The following DCAF7 variants were observed in gnomAD, a reference collection of about 807,000 sequenced individuals.
DCAF7 encodes DDB1 and CUL4 associated factor 7.
A neutral mutation model predicts 41.2 loss-of-function variants in DCAF7; 4 were observed. The observed-to-expected ratio is 0.10, with a 90% CI of 0.05 to 0.22. The LOEUF is 0.22. DCAF7 is among the 10% of genes least tolerant of loss of function. The pLI is 1.00. For missense variants in DCAF7, 131 were observed against 443.2 expected, an observed-to-expected ratio of 0.30 and a Z score of 6.32; for synonymous variants, 143 against 164.2, an observed-to-expected ratio of 0.87 and a Z score of 0.99.
chr17:63,578,292 AGGT>A (rs1279953264), intron 1 of DCAF7, among the ~76,000 whole-genome samples, 175 bp from the exon 2 acceptor site: 1 of 152,130 alleles, frequency 6.6e-6, no homozygotes, highest in Non-Finnish European at 1.5e-5. Context: ...TGAGACCAGG[AGGT>A]GGAGGCTGCA....
At chr17:63,579,551 G>A (rs2033597150) in intron 3 of DCAF7, 103 bp downstream of exon 3, 2 of 853,898 alleles carry the variant, frequency 2.3e-6, no homozygotes, top group Non-Finnish European at 1.9e-6. Flanking sequence ...TCAGTGGGAA[G>A]TAGGCTAGGC....
At chr17:63,577,475 G>A (rs2033574846) in intron 1 of DCAF7, among the ~76,000 whole-genome samples, 1 of 152,226 alleles carries the variant, frequency 6.6e-6, no homozygotes, top group African/African-American at 2.4e-5. Flanking sequence ...CATTGAGCCA[G>A]ATTGAGTTTG....
chr17:63,573,687 G>A (rs940449938), intron 1 of DCAF7, among the ~76,000 whole-genome samples: 29 of 150,554 alleles, frequency 1.9e-4, no homozygotes, highest in Non-Finnish European at 3.1e-4. Flanking sequence ...CCAAGATTGC[G>A]CCATTGCACT....
intron 1 of DCAF7, among the ~76,000 whole-genome samples, chr17:63,558,160 C>G (rs930673546): frequency 2.6e-5 from 4 of 152,306 alleles, no homozygotes; most frequent in African/African-American, 9.6e-5. Context: ...TCCCAAAGTG[C>G]TGGGACTACA....
chr17:63,582,501 C>T (rs1007290901), intron 4 of DCAF7, among the ~76,000 whole-genome samples: 13 of 150,462 alleles, frequency 8.6e-5, no homozygotes, highest in African/African-American at 2.5e-4. Flanking sequence ...GACAGAGTTT[C>T]GCTCTGTCCC....
chr17:63,572,360 G>A (rs2033516804), intron 1 of DCAF7, among the ~76,000 whole-genome samples: 1 of 152,154 alleles, frequency 6.6e-6, no homozygotes, highest in Non-Finnish European at 1.5e-5. Flanking sequence ...GGCAGGATTT[G>A]GGTCAGTGGA....
At chr17:63,588,003 A>C (rs1007452708) in intron 6 of DCAF7, among the ~76,000 whole-genome samples, 1 of 149,304 alleles carries the variant, frequency 6.7e-6, no homozygotes, top group Non-Finnish European at 1.5e-5. Context: ...AAAAAAAAAA[A>C]AGTAATATGA....
chr17:63,551,945 T>TAATA (rs1157535268), intron 1 of DCAF7, among the ~76,000 whole-genome samples: 1 of 134,052 alleles, frequency 7.5e-6, no homozygotes, highest in Non-Finnish European at 1.6e-5. Flanking sequence ...GGGCGTAGCT[T>TAATA]AGTGCGCCTG....
At chr17:63,564,605 A>G (rs2033420952) in intron 1 of DCAF7, among the ~76,000 whole-genome samples, 1 of 152,118 alleles carries the variant, frequency 6.6e-6, no homozygotes, top group Admixed American at 6.5e-5. Flanking sequence ...GACCTCTCCT[A>G]CCCAGTTGTA....
chr17:63,586,046 A>G (rs2033673204), intron 6 of DCAF7, among the ~76,000 whole-genome samples: 1 of 148,764 alleles, frequency 6.7e-6, no homozygotes, highest in African/African-American at 2.5e-5. Context: ...AAGCACTTCA[A>G]CCCAGGAGGT....
intron 2 of DCAF7, 46 bp from the exon 3 acceptor site, chr17:63,579,291 T>C (rs1353445424): frequency 7.5e-7 from 1 of 1,325,076 alleles, no homozygotes; most frequent in Non-Finnish European, 1.0e-6. Flanking sequence ...AGACTTTTTA[T>C]GAGGATAAGA....
At position 63,583,651 on chromosome 17, in the gene DCAF7, C is replaced by G; in HGVS notation, c.678C>G (p.Arg226=). The change falls in exon 5 of 7, where the codon CGC becomes CGG. Residue 226 remains arginine (R), a synonymous_variant. Transcript: ENST00000614556. The stretch of plus-strand genomic sequence containing the variant: ...ACCCACAGCATCACCCACTGCTTCG[C>G]CTCTGCTGGAACAAGCAGGACCCTA... The part of the protein sequence containing the change: ...YEDPQHHPLL[R]LCWNKQDPNY... The G allele has an allele frequency of 6.2e-7, 1 of 1,613,214 alleles. No individual in the cohort carries two copies. Among genetic ancestry groups the G allele is most frequent in the Non-Finnish European group, 8.5e-7 (1 of 1,179,340 alleles).
At chr17:63,572,092 AG>A (rs2033513570) in intron 1 of DCAF7, among the ~76,000 whole-genome samples, 1 of 152,196 alleles carries the variant, frequency 6.6e-6, no homozygotes, top group Non-Finnish European at 1.5e-5. Context: ...ACTGAAAGAA[AG>A]AGCACTGGAC....
intron 1 of DCAF7, among the ~76,000 whole-genome samples, chr17:63,554,812 T>C (rs1005155320): frequency 2.0e-5 from 3 of 152,192 alleles, no homozygotes; most frequent in African/African-American, 4.8e-5. Context: ...CAAAGAGAAT[T>C]ATATGGCTGT....
At chr17:63,583,124 C>T (rs775103245) in intron 4 of DCAF7, among the ~76,000 whole-genome samples, 4 of 152,088 alleles carry the variant, frequency 2.6e-5, no homozygotes, top group Non-Finnish European at 5.9e-5. Context: ...TTAATGAGCT[C>T]GTAGACCTGC....
chr17:63,559,655 A>G (rs1470303592), intron 1 of DCAF7, among the ~76,000 whole-genome samples: 1 of 151,316 alleles, frequency 6.6e-6, no homozygotes, highest in Non-Finnish European at 1.5e-5. Context: ...TGCAAAAAGT[A>G]GCCGGGCATG....
chr17:63,562,715 A>G (rs1015560859), intron 1 of DCAF7, among the ~76,000 whole-genome samples: 4 of 124,424 alleles, frequency 3.2e-5, no homozygotes, highest in Non-Finnish European at 4.8e-5. Context: ...CAGTCCCCAG[A>G]GTGTGATGTT....
At chr17:63,557,216 A>C (rs1322811899) in intron 1 of DCAF7, among the ~76,000 whole-genome samples, 1 of 152,180 alleles carries the variant, frequency 6.6e-6, no homozygotes, top group Non-Finnish European at 1.5e-5. Flanking sequence ...AAAATACAGA[A>C]CTTCAAGCAG....
At chr17:63,557,353 C>T (rs1280609688) in intron 1 of DCAF7, among the ~76,000 whole-genome samples, 1 of 151,878 alleles carries the variant, frequency 6.6e-6, no homozygotes, top group Non-Finnish European at 1.5e-5. Flanking sequence ...ACATTGGAAA[C>T]AGAATAAAGG....
Sources: allele counts gnomAD v4.1 joint callset (sites outside exome capture counted in the v4.1 genomes callset), GRCh38; gene constraint gnomAD v4.1.1; transcripts MANE v1.5; gene names NCBI Gene and HGNC (gene_info 2026-07-23, HGNC 2026-07-21).